The following APBA2 variants were observed in gnomAD, a reference collection of about 807,000 sequenced individuals.
The protein encoded by APBA2 is amyloid-beta A4 precursor protein-binding family A member 2.
A neutral mutation model predicts 75.0 loss-of-function variants in APBA2; 30 were observed. The observed-to-expected ratio is 0.40, with a 90% CI of 0.30 to 0.54. The LOEUF is 0.54. APBA2 is among the 20% of genes least tolerant of loss of function. The pLI is 0.49. For missense variants in APBA2, 801 were observed against 1,016.1 expected, an observed-to-expected ratio of 0.79 and a Z score of 2.88; for synonymous variants, 444 against 409.6, an observed-to-expected ratio of 1.08 and a Z score of -1.01.
chr15:29,105,017 A>G (rs1225939140), intron 10 of APBA2, among the ~76,000 whole-genome samples: 1 of 152,220 alleles, frequency 6.6e-6, no homozygotes, highest in Non-Finnish European at 1.5e-5. Context: ...CGAAAGAAAA[A>G]AAAAGCAACA....
intron 2 of APBA2, among the ~76,000 whole-genome samples, chr15:28,947,030 T>G (rs1319357608): frequency 2.0e-5 from 3 of 152,206 alleles, no homozygotes; most frequent in Admixed American, 6.5e-5. Flanking sequence ...ATTGATCAGT[T>G]GTTCTCTCCC....
Position 28,946,588 on chromosome 15 carries a change from CT to C in APBA2, c.-95+24847del, listed in dbSNP as rs890731392. 2.6e-5 allele frequency among the ~76,000 whole-genome samples: 4 copies of C among 151,950 alleles called. No individual in the cohort carries two copies. The East Asian group carries it at 7.7e-4, about 29-fold the overall frequency. ...CTTTTTATTTTCTTTCTTTTCTTTT[CT>C]TTTTTTTGAGACAGGATCTTGCTCT... On this transcript the variant is annotated intron_variant, in intron 2 of 14. Coordinates refer to ENST00000683413, the MANE Select transcript of APBA2 (RefSeq NM_001353788.2).
chr15:28,942,332 G>T (rs936127035), intron 2 of APBA2, among the ~76,000 whole-genome samples: 7 of 152,144 alleles, frequency 4.6e-5, no homozygotes, highest in Non-Finnish European at 1.5e-5. Flanking sequence ...AGACCCACTC[G>T]TATCTTTGTT....
chr15:29,081,557 C>T (rs1325842204), intron 6 of APBA2, among the ~76,000 whole-genome samples: 1 of 152,198 alleles, frequency 6.6e-6, no homozygotes, highest in African/African-American at 2.4e-5. Flanking sequence ...CTATACATCC[C>T]AGATCCCTAG....
At chr15:29,099,665 A>G (rs1355170598) in intron 9 of APBA2, among the ~76,000 whole-genome samples, 1 of 152,232 alleles carries the variant, frequency 6.6e-6, no homozygotes, top group East Asian at 1.9e-4. Flanking sequence ...CCCAGATGCC[A>G]GAGAGGGCCA....
intron 1 of APBA2, among the ~76,000 whole-genome samples, chr15:28,905,753 G>A (rs939703468): frequency 6.6e-6 from 1 of 152,186 alleles, no homozygotes; most frequent in African/African-American, 2.4e-5. Flanking sequence ...GAGGAGAAAG[G>A]TGCCATTTTT....
chr15:28,989,365 G>T (rs1166259966), intron 2 of APBA2, among the ~76,000 whole-genome samples: 1 of 152,180 alleles, frequency 6.6e-6, no homozygotes, highest in Middle Eastern at 3.2e-3. Flanking sequence ...CCCCACGGTG[G>T]GCCTGGGAGG....
chr15:28,970,047 G>A (rs1353716725), intron 2 of APBA2: 3 of 152,192 alleles, frequency 2.0e-5, no homozygotes, highest in East Asian at 1.9e-4. Flanking sequence ...CCTCTTGTCT[G>A]TTCTTGTGTT....
At chr15:28,887,779 G>T (rs566743384) in intron 1 of APBA2, among the ~76,000 whole-genome samples, 1 of 152,190 alleles carries the variant, frequency 6.6e-6, no homozygotes, top group African/African-American at 2.4e-5. Flanking sequence ...GCCTTCCCTC[G>T]GTGGGCTCTA....
chr15:28,893,425 G>A (rs891472107), intron 1 of APBA2, among the ~76,000 whole-genome samples: 2 of 152,342 alleles, frequency 1.3e-5, no homozygotes, highest in Middle Eastern at 3.4e-3. Flanking sequence ...GCTGGGTGAT[G>A]AATGGACCGA....
At position 28,921,438 on chromosome 15, in the gene APBA2, G is replaced by A. The variant is rs1393891327; in HGVS notation, c.-204-202G>A. On this transcript the variant is annotated intron_variant, in intron 1 of 14. Coordinates refer to ENST00000683413, the MANE Select transcript of APBA2 (RefSeq NM_001353788.2). ...GGGAGAATCACGGTCAACTTGTGAC[G>A]CTTGGTTTTTCAGATATTCAGCTGC... Among the ~76,000 whole-genome samples the A allele has an allele frequency of 2.6e-5, 4 of 152,176 alleles. No homozygotes were observed. The South Asian group carries it at 6.2e-4, about 24-fold the overall frequency.
At chr15:29,022,511 A>T (rs992583419) in intron 3 of APBA2, among the ~76,000 whole-genome samples, 1 of 151,658 alleles carries the variant, frequency 6.6e-6, no homozygotes, top group Non-Finnish European at 1.5e-5. Context: ...TAACTCAGGG[A>T]TATATATATA....
intron 10 of APBA2, 71 bp from the exon 11 acceptor site, chr15:29,105,308 G>A: frequency 6.7e-7 from 1 of 1,502,854 alleles, no homozygotes; most frequent in Non-Finnish European, 9.1e-7. Context: ...CCCTGCCGCA[G>A]CCCCCTGCTG....
At chr15:29,011,252 G>A (rs954852331) in intron 3 of APBA2, among the ~76,000 whole-genome samples, 5 of 152,140 alleles carry the variant, frequency 3.3e-5, no homozygotes, top group African/African-American at 7.2e-5. Flanking sequence ...TAGACATTGG[G>A]TTGCTTTTAT....
At chr15:29,028,680 A>G (rs888545548) in intron 3 of APBA2, among the ~76,000 whole-genome samples, 4 of 152,082 alleles carry the variant, frequency 2.6e-5, no homozygotes, top group Non-Finnish European at 5.9e-5. Flanking sequence ...TTGTTTCTTG[A>G]CTTTTTAATA....
At chr15:29,022,763 G>A (rs1162103686) in intron 3 of APBA2, among the ~76,000 whole-genome samples, 4 of 152,044 alleles carry the variant, frequency 2.6e-5, no homozygotes, top group African/African-American at 9.7e-5. Flanking sequence ...CTCATTGGAG[G>A]TTCTTTTGGA....
At chr15:29,041,588 T>C (rs980061256) in intron 3 of APBA2, among the ~76,000 whole-genome samples, 3 of 151,754 alleles carry the variant, frequency 2.0e-5, no homozygotes, top group African/African-American at 7.3e-5. Context: ...ACAAGATCCG[T>C]ATGCTGGAGA....
At chr15:29,008,924 A>C (rs1265131145) in intron 3 of APBA2, among the ~76,000 whole-genome samples, 1 of 152,170 alleles carries the variant, frequency 6.6e-6, no homozygotes, top group Admixed American at 6.5e-5. Flanking sequence ...GCCAGGTGGG[A>C]AGCTGTTCTC....
chr15:28,910,219 T>C (rs2033365020), intron 1 of APBA2, among the ~76,000 whole-genome samples: 1 of 152,202 alleles, frequency 6.6e-6, no homozygotes, highest in South Asian at 2.1e-4. Context: ...TCTCCTTTTT[T>C]TAGGGCCATG....
Sources: allele counts gnomAD v4.1 joint callset (sites outside exome capture counted in the v4.1 genomes callset), GRCh38; gene constraint gnomAD v4.1.1; transcripts MANE v1.5; gene names NCBI Gene and HGNC (gene_info 2026-07-23, HGNC 2026-07-21).